Variants in ODR4 observed in about 807,000 individuals in gnomAD.
ODR4 encodes protein odr-4 homolog.
Under a neutral mutation model 60.2 loss-of-function variants are expected in ODR4, and 47 were observed. The ratio of observed to expected loss-of-function variants is 0.78; its 90% confidence interval spans 0.62 to 1.00. The LOEUF is 1.00. ODR4 is among the 50% of genes least tolerant of loss of function. The pLI is 0.00. For missense variants in ODR4, 488 were observed against 530.8 expected (o/e 0.92, Z 0.79); for synonymous variants, 178 against 175.5 (o/e 1.01, Z -0.11).
intron 5 of ODR4, among the ~76,000 whole-genome samples, 169 bp from the exon 6 acceptor site, chr1:186,389,417 CAT>C (rs1429796118): frequency 6.6e-6 from 1 of 152,058 alleles, no homozygotes; most frequent in Non-Finnish European, 1.5e-5. Context: ...TATATATACA[CAT>C]ATGTATATAT....
downstream of ODR4, among the ~76,000 whole-genome samples, chr1:186,421,777 T>G (rs932459663): frequency 1.4e-5 from 2 of 147,828 alleles, no homozygotes; most frequent in Non-Finnish European, 3.0e-5. Context: ...GGTGGGAGAA[T>G]CACTTGAACC....
downstream of ODR4, among the ~76,000 whole-genome samples, chr1:186,425,455 C>G (rs1009260123): frequency 1.3e-5 from 2 of 152,132 alleles, no homozygotes; most frequent in African/African-American, 4.8e-5. Flanking sequence ...CTAATTCTAC[C>G]TGAGAGTGGT....
At chr1:186,389,076 A>G (rs1178188194) in intron 5 of ODR4, among the ~76,000 whole-genome samples, 2 of 152,134 alleles carry the variant, frequency 1.3e-5, no homozygotes, top group Non-Finnish European at 2.9e-5. Flanking sequence ...ATCCTCACCA[A>G]AGGAGTGACA....
the ODR4 span, among the ~76,000 whole-genome samples, chr1:186,427,311 T>C: frequency 6.6e-6 from 1 of 152,236 alleles, no homozygotes; most frequent in Non-Finnish European, 1.5e-5. Context: ...CAACTAAGTT[T>C]GTGTGACATT....
Position 186,398,374 on chromosome 1 carries a change from T to C in ODR4, c.842T>C (p.Leu281Pro). Residue 281 changes from leucine (L) to proline (P), a missense_variant, in exon 10 of 14, where the codon CTT becomes CCT. Coordinates refer to ENST00000287859, the MANE Select transcript of ODR4 (RefSeq NM_017847.6). The stretch of plus-strand genomic sequence containing the variant: ...CAGATATGTAGCGGTTCTGTAAACC[T>C]TAAGGGTGCTGTGAAATGCAGAGCT... ...TVQICSGSVN[L>P]KGAVKCRAYI... 6.2e-7 allele frequency: 1 copy of C among 1,611,768 alleles called. No homozygotes were observed. The highest frequency in any genetic ancestry group is 8.5e-7 in the Non-Finnish European group (1 of 1,178,658).
chr1:186,429,272 G>GA, the ODR4 span, among the ~76,000 whole-genome samples: 11 of 142,614 alleles, frequency 7.7e-5, no homozygotes, highest in Admixed American at 2.1e-4. Context: ...TCTGTCTCAA[G>GA]AAAAAAAAAA....
intron 7 of ODR4, 113 bp from the exon 8 acceptor site, chr1:186,391,582 TG>T: frequency 1.4e-6 from 1 of 704,566 alleles, no homozygotes; most frequent in Admixed American, 2.9e-5. Context: ...GCTGCAGTAA[TG>T]AGATTTAGGG....
chr1:186,395,196 G>A (rs539975382), intron 9 of ODR4, among the ~76,000 whole-genome samples: 4 of 152,108 alleles, frequency 2.6e-5, no homozygotes, highest in Non-Finnish European at 4.4e-5. Context: ...CTGGGTTCAC[G>A]CCATTCTCCT....
In ODR4 at chr1:186,419,023, T is replaced by C; in HGVS notation, c.1312T>C (p.Phe438Leu). Residue 438 changes from phenylalanine to leucine, a missense_variant, in exon 14 of 14, where the codon TTT becomes CTT. By Grantham distance (22) the Phe-to-Leu change is conservative. Coordinates refer to ENST00000287859, the MANE Select transcript of ODR4 (RefSeq NM_017847.6). ...TTTACTTTTAGGTGTGATTGCAGCA[T>C]TTACAGTTGCAGTCCTTGCTGCGGG... ...IQQNIGVIAA[F>L]TVAVLAAGIS... 6.2e-7 allele frequency: 1 copy of C among 1,608,904 alleles called. No homozygotes were observed. The highest frequency in any genetic ancestry group is 8.5e-7 in the Non-Finnish European group (1 of 1,177,332).
chr1:186,385,782 G>A lies in ODR4; in HGVS notation c.235-206G>A, dbSNP rs1265575694. On this transcript the variant is annotated intron_variant, in intron 3 of 13. Transcript: ENST00000287859. ...CATTTTATTTAGCTGATGGTGGGAC[G>A]CCATTGAAAAAATATTTCAGTCTTT... Among the ~76,000 whole-genome samples, 3 of 152,004 alleles carry A rather than the reference G, an allele frequency of 2.0e-5. No homozygotes were observed. In the South Asian group the frequency reaches 6.2e-4, roughly 31 times the overall value.
chr1:186,384,896 A>C (rs1660195320), intron 3 of ODR4, among the ~76,000 whole-genome samples: 1 of 152,112 alleles, frequency 6.6e-6, no homozygotes, highest in Non-Finnish European at 1.5e-5. Flanking sequence ...ATTTTCTAAG[A>C]CTGTACTCTG....
rs550138325 is a variant in ODR4 at position 186,385,992 on chromosome 1, C to A, written c.239C>A (p.Ser80Tyr). The change falls in exon 4 of 14, where the codon TCC (serine) becomes TAC (tyrosine). Residue 80 changes from serine (S) to tyrosine (Y), a missense_variant. Transcript: ENST00000287859. ...EWATEHACQV[S>Y]RMLPGGLLVL... The stretch of plus-strand genomic sequence containing the variant: ...ATAATATATTTCTATTTTTAGGTAT[C>A]CAGAATGCTACCAGGGGGACTTTTA... 1.3e-6 allele frequency: 2 copies of A among 1,576,252 alleles called. No homozygotes were observed. The highest frequency in any genetic ancestry group is 2.7e-5 in the African/African-American group (2 of 73,878).
rs1660783910 is a variant in ODR4 at position 186,398,440 on chromosome 1, A to T, written c.908A>T (p.Gln303Leu). 6.3e-7 allele frequency: 1 copy of T among 1,597,688 alleles called. No homozygotes were observed. The highest frequency in any genetic ancestry group is 8.5e-7 in the Non-Finnish European group (1 of 1,172,596). ...SSKPKVKDAV[Q>L]AVKRDILNTV... ...AAACCCAAAGTTAAAGATGCTGTGC[A>T]GGTACAAAAAGGAATAACGAGCATA... is the stretch of plus-strand genomic sequence containing the variant. Residue 303 changes from glutamine (Q) to leucine (L), a missense_variant and splice_region_variant, in exon 10 of 14, where the codon CAG becomes CTG. Physicochemically the swap from Gln to Leu is moderately radical, Grantham distance 113. Coordinates refer to ENST00000287859, the MANE Select transcript of ODR4 (RefSeq NM_017847.6).
At chr1:186,384,422 T>C (rs1262058058) in intron 3 of ODR4, among the ~76,000 whole-genome samples, 1 of 152,138 alleles carries the variant, frequency 6.6e-6, no homozygotes, top group African/African-American at 2.4e-5. Context: ...AGGCCCCACT[T>C]GGGTTCACAT....
chr1:186,415,623 A>G (rs1661534870), intron 12 of ODR4, among the ~76,000 whole-genome samples: 1 of 152,150 alleles, frequency 6.6e-6, no homozygotes, highest in African/African-American at 2.4e-5. Flanking sequence ...CAGCCTGGGT[A>G]GCATACTTTC....
chr1:186,433,246 T>C, the ODR4 span, among the ~76,000 whole-genome samples: 1 of 152,154 alleles, frequency 6.6e-6, no homozygotes, highest in Admixed American at 6.5e-5. Context: ...GTTTTAAGTC[T>C]TCTTTTGTAA....
chr1:186,407,329 C>G (rs1386652141), intron 12 of ODR4, among the ~76,000 whole-genome samples: 1 of 152,044 alleles, frequency 6.6e-6, no homozygotes, highest in Non-Finnish European at 1.5e-5. Flanking sequence ...TGAAAGTAGA[C>G]TGGTAAAAAT....
At chr1:186,398,479 A>G in intron 10 of ODR4, 38 bp downstream of exon 10, 1 of 1,544,610 alleles carries the variant, frequency 6.5e-7, no homozygotes, top group Non-Finnish European at 8.7e-7. Context: ...AACCATGTTA[A>G]CTATTAACAA....
intron 3 of ODR4, among the ~76,000 whole-genome samples, chr1:186,384,669 T>G (rs1021868844): frequency 6.6e-6 from 1 of 151,946 alleles, no homozygotes; most frequent in African/African-American, 2.4e-5. Context: ...AAAAGGTTAA[T>G]TTTACTTTTT....
Sources: allele counts gnomAD v4.1 joint callset (sites outside exome capture counted in the v4.1 genomes callset), GRCh38; gene constraint gnomAD v4.1.1; transcripts MANE v1.5; gene names NCBI Gene and HGNC (gene_info 2026-07-23, HGNC 2026-07-21).